Variants in ADGRL2 observed in about 807,000 individuals in gnomAD.
The protein encoded by ADGRL2 is calcium-independent alpha-latrotoxin receptor 2.
Under a neutral mutation model 157.4 loss-of-function variants are expected in ADGRL2, and 44 were observed. The ratio of observed to expected loss-of-function variants is 0.28; its 90% CI spans 0.22 to 0.36. ADGRL2 has a LOEUF of 0.36. Among genes scored for constraint, ADGRL2 ranks in the 10% least tolerant of loss-of-function variants. The pLI, the probability that ADGRL2 is intolerant of heterozygous loss-of-function variation, is 1.00. For synonymous variants in ADGRL2, 585 were observed against 624.7 expected, an observed-to-expected ratio of 0.94 and a Z score of 0.95; for missense variants, 1,510 against 1,768.9, an observed-to-expected ratio of 0.85 and a Z score of 2.63.
At position 81,503,082 on chromosome 1, in the gene ADGRL2, G is replaced by A. The variant is rs1007842672; in HGVS notation, c.-248+57993G>A. The stretch of plus-strand genomic sequence containing the variant: ...TGCGGGAGCGGCTGGAGTCAGGGGA[G>A]CCTGCTGAGAAGAAGGCGTCGAGGC... On this transcript the variant is annotated intron_variant, in intron 2 of 24. Coordinates refer to the ADGRL2 transcript ENST00000370721. 5.0e-6 allele frequency: 8 copies of A among 1,609,276 alleles called. No individual in the cohort carries two copies. In the African/African-American group the frequency reaches 5.3e-5, roughly 11 times the overall value.
intron 2 of ADGRL2, among the ~76,000 whole-genome samples, chr1:81,466,757 T>C (rs1485490102): frequency 2.0e-5 from 3 of 152,172 alleles, no homozygotes; most frequent in Non-Finnish European, 4.4e-5. Context: ...AGTCTGTTCA[T>C]TTAATTCCTA....
At chr1:81,747,228 T>A (rs2149251716) in intron 1 of ADGRL2, among the ~76,000 whole-genome samples, 1 of 147,070 alleles carries the variant, frequency 6.8e-6, no homozygotes, top group South Asian at 2.1e-4. Flanking sequence ...TATATATGTA[T>A]ATATACATAT....
At chr1:81,310,864 AG>A (rs1299961849) in intron 1 of ADGRL2, among the ~76,000 whole-genome samples, 12 of 146,178 alleles carry the variant, frequency 8.2e-5, no homozygotes, top group African/African-American at 3.0e-4. Flanking sequence ...AAAAAAAAAA[AG>A]GGAGGAGTGG....
At chr1:81,823,369 T>C (rs1281152812) in intron 1 of ADGRL2, among the ~76,000 whole-genome samples, 13 of 100,344 alleles carry the variant, frequency 1.3e-4, no homozygotes, top group South Asian at 3.9e-4. Context: ...CTTCCTTCCC[T>C]CCCCCCTCCC....
chr1:81,626,585 T>C (rs1450600126), intron 3 of ADGRL2, among the ~76,000 whole-genome samples: 5 of 152,250 alleles, frequency 3.3e-5, no homozygotes, highest in Admixed American at 2.6e-4. Context: ...AATGCTGTAC[T>C]TTCACATAAG....
chr1:81,361,275 A>G (rs930634047), intron 1 of ADGRL2, among the ~76,000 whole-genome samples: 1 of 151,950 alleles, frequency 6.6e-6, no homozygotes, highest in South Asian at 2.1e-4. Context: ...TGCAAATATT[A>G]TAATGCCATT....
intron 2 of ADGRL2, among the ~76,000 whole-genome samples, chr1:81,542,322 C>T (rs1451195836): frequency 6.6e-6 from 1 of 152,214 alleles, no homozygotes; most frequent in Non-Finnish European, 1.5e-5. Context: ...TTACCATTCC[C>T]AGAGTGCCTT....
intron 3 of ADGRL2, among the ~76,000 whole-genome samples, chr1:81,922,978 T>C (rs2095023387): frequency 6.6e-6 from 1 of 152,222 alleles, no homozygotes; most frequent in Admixed American, 6.5e-5. Context: ...AGATAATTTC[T>C]TGCTTTTGTG....
At chr1:81,654,229 A>G (rs1487970246) in intron 3 of ADGRL2, among the ~76,000 whole-genome samples, 1 of 152,084 alleles carries the variant, frequency 6.6e-6, no homozygotes, top group Non-Finnish European at 1.5e-5. Context: ...TACAGGCGTG[A>G]GCCACCACAC....
upstream of ADGRL2, chr1:81,699,738 G>A (rs1477187525): frequency 1.3e-5 from 2 of 152,162 alleles, no homozygotes; most frequent in East Asian, 1.9e-4. Flanking sequence ...TTTCTCACTT[G>A]TTTGCCAGTT....
In ADGRL2 at chr1:81,503,345, C is replaced by T. The variant is rs546923338; in HGVS notation, c.-248+58256C>T. 514 of 1,613,994 alleles carry T rather than the reference C, an allele frequency of 3.2e-4. 1 individual carries two copies. Among genetic ancestry groups the T allele is most frequent in the Non-Finnish European group, 3.9e-4 (458 of 1,180,006 alleles). On this transcript the variant is annotated intron_variant, in intron 2 of 24. Transcript: ENST00000370721. ...CAGAAGCCTGTGGTCCACCTCATCA[C>T]GGGGTCTGCTCCCCAGAGCCTCGGC...
At chr1:81,335,266 C>A (rs1661555553) in intron 1 of ADGRL2, among the ~76,000 whole-genome samples, 2 of 152,086 alleles carry the variant, frequency 1.3e-5, no homozygotes, top group Non-Finnish European at 2.9e-5. Context: ...CACATACACA[C>A]AAAAATATCC....
chr1:81,325,657 A>G (rs1023955633), intron 1 of ADGRL2, among the ~76,000 whole-genome samples: 2 of 152,214 alleles, frequency 1.3e-5, no homozygotes, highest in African/African-American at 4.8e-5. Flanking sequence ...TTCTCTTCCA[A>G]TATAACTCTA....
intron 16 of ADGRL2, 59 bp from the exon 17 acceptor site, chr1:81,971,793 C>T (rs1345276021): frequency 1.1e-6 from 1 of 879,942 alleles, no homozygotes; most frequent in African/African-American, 1.7e-5. Context: ...TCCTATTTTC[C>T]TTGTGATGTT....
intron 2 of ADGRL2, among the ~76,000 whole-genome samples, chr1:81,778,006 C>A (rs988165143): frequency 6.6e-5 from 10 of 151,914 alleles, no homozygotes; most frequent in African/African-American, 2.4e-4. Context: ...AATCATCAAT[C>A]AGTTATGAAC....
At chr1:81,651,324 A>C (rs2148840715) in intron 3 of ADGRL2, among the ~76,000 whole-genome samples, 1 of 152,372 alleles carries the variant, frequency 6.6e-6, no homozygotes, top group Admixed American at 6.5e-5. Context: ...TAAGTATCAA[A>C]CCAAGAATAT....
rs185056327 is a variant in ADGRL2 at position 81,419,124 on chromosome 1, T to A, written c.-301-25912T>A. 1.6e-3 allele frequency among the ~76,000 whole-genome samples: 240 copies of A among 152,300 alleles called. 2 individuals are homozygous for A. Among genetic ancestry groups the A allele is most frequent in the Non-Finnish European group, 2.7e-3 (185 of 68,020 alleles). On this transcript the variant is annotated intron_variant, in intron 1 of 24. Transcript: ENST00000370721. ...ATCAATAACTGGCAAAAATAAAGTG[T>A]AAAGTGGAGCATATTTGTACTTCTG...
chr1:81,432,133 A>G (rs2077333082), intron 1 of ADGRL2, among the ~76,000 whole-genome samples: 1 of 152,210 alleles, frequency 6.6e-6, no homozygotes, highest in South Asian at 2.1e-4. Flanking sequence ...CAGAGATGCT[A>G]ATCTATCTCA....
At chr1:81,733,525 C>G (rs942561531) in intron 1 of ADGRL2, among the ~76,000 whole-genome samples, 2 of 152,122 alleles carry the variant, frequency 1.3e-5, no homozygotes, top group African/African-American at 2.4e-5. Flanking sequence ...TATAAGGGTA[C>G]CAGTCAGGTT....
Sources: allele counts gnomAD v4.1 joint callset (sites outside exome capture counted in the v4.1 genomes callset), GRCh38; gene constraint gnomAD v4.1.1; transcripts MANE v1.5; gene names NCBI Gene and HGNC (gene_info 2026-07-23, HGNC 2026-07-21).